The following PAPPA2 variants were observed in gnomAD, a reference collection of about 807,000 sequenced individuals.
PAPPA2 encodes pappalysin 2.
A neutral mutation model predicts 176.4 loss-of-function variants in PAPPA2; 86 were observed. That is an observed-to-expected ratio of 0.49 (90% CI 0.41 to 0.58). The LOEUF (loss-of-function observed/expected upper bound fraction) is 0.58, where lower values mean the gene tolerates loss of function less well. Among genes scored for constraint, PAPPA2 ranks in the 20% least tolerant of loss-of-function variants. The pLI is 0.00. For synonymous variants in PAPPA2, 809 were observed against 852.2 expected, an observed-to-expected ratio of 0.95 and a Z score of 0.88; for missense variants, 2,073 against 2,256.9, an observed-to-expected ratio of 0.92 and a Z score of 1.65.
chr1:176,635,972 A>G (rs886616875), intron 3 of PAPPA2, among the ~76,000 whole-genome samples: 1 of 152,186 alleles, frequency 6.6e-6, no homozygotes, highest in Non-Finnish European at 1.5e-5. Context: ...GGAAACCCAG[A>G]ACCCACAGAT....
chr1:176,623,821 C>CTTTCTTTCTTTCTTTCT (rs1341133601), intron 3 of PAPPA2, among the ~76,000 whole-genome samples: 1 of 48,112 alleles, frequency 2.1e-5, no homozygotes, highest in African/African-American at 8.2e-5. Context: ...TTTCTTTCTT[C>CTTTCTTTCTTTCTTTCT]TCTCTCTCTC....
At position 176,771,712 on chromosome 1, in the gene PAPPA2, ATTG is replaced by A. The variant is rs1381453622; in HGVS notation, c.4715+535_4715+537del. Among the ~76,000 whole-genome samples the A allele has an allele frequency of 2.6e-5, 4 of 152,316 alleles. No homozygotes were observed. The East Asian group carries it at 7.7e-4, about 29-fold the overall frequency. ...AACTCAACTCATTTTGGCTATTAATATTGTTATTATATCTTTCTCCTTTCTTCT... is the reference window on the plus strand; with the variant it reads ...AACTCAACTCATTTTGGCTATTAATATTATTATATCTTTCTCCTTTCTTCT... On this transcript the variant is annotated intron_variant, in intron 17 of 22. Transcript: ENST00000367662.
chr1:176,763,652 G>T (rs1174923325), intron 14 of PAPPA2, among the ~76,000 whole-genome samples: 1 of 152,142 alleles, frequency 6.6e-6, no homozygotes, highest in East Asian at 1.9e-4. Flanking sequence ...GGAACATTGA[G>T]CATTTAAGAG....
In PAPPA2 at chr1:176,671,017, G is replaced by T; in HGVS notation, c.2039G>T (p.Ser680Ile). The change falls in exon 4 of 23, where the codon AGT becomes ATT. Residue 680 changes from serine (S) to isoleucine (I), a missense_variant. By Grantham distance (142) the Ser-to-Ile change is moderately radical (BLOSUM62 -2). Coordinates refer to ENST00000367662, the MANE Select transcript of PAPPA2 (RefSeq NM_020318.3). ...KELKEALQLNSTHFLNIYFAS... is the reference protein window; with the variant it reads ...KELKEALQLNITHFLNIYFAS... ...CTGAAGGAGGCCCTGCAGCTGAACA[G>T]TACTCACTTCCTCAACATCTACTTT... The T allele has an allele frequency of 2.5e-6, 4 of 1,613,990 alleles. No individual in the cohort carries two copies. Among genetic ancestry groups the T allele is most frequent in the Non-Finnish European group, 3.4e-6 (4 of 1,179,906 alleles).
chr1:176,645,772 TA>T (rs1454474776), intron 3 of PAPPA2, among the ~76,000 whole-genome samples: 1 of 151,656 alleles, frequency 6.6e-6, no homozygotes, highest in Non-Finnish European at 1.5e-5. Flanking sequence ...GTCTTTTTGA[TA>T]AAGCCGTTTT....
intron 14 of PAPPA2, among the ~76,000 whole-genome samples, chr1:176,755,912 GA>G (rs943570332): frequency 3.3e-5 from 5 of 152,140 alleles, no homozygotes; most frequent in African/African-American, 1.2e-4. Context: ...GTAAGCTAGA[GA>G]AAAAATGTTA....
chr1:176,735,702 A>G (rs1390585721), intron 12 of PAPPA2, among the ~76,000 whole-genome samples: 1 of 146,602 alleles, frequency 6.8e-6, no homozygotes, highest in Non-Finnish European at 1.5e-5. Flanking sequence ...CTATCTATCT[A>G]TCTATCTATC....
chr1:176,678,971 T>C (rs1659447959), intron 4 of PAPPA2, among the ~76,000 whole-genome samples: 1 of 152,058 alleles, frequency 6.6e-6, no homozygotes, highest in South Asian at 2.1e-4. Context: ...AAGGAAAGAA[T>C]AGGTTGTATG....
In PAPPA2 at chr1:176,595,488, T is replaced by G; in HGVS notation, c.1884T>G (p.Cys628Trp). Residue 628 changes from cysteine to tryptophan, a missense_variant, in exon 3 of 23, where the codon TGT (cysteine) becomes TGG (tryptophan). Transcript: ENST00000367662. ...CCTGGAACCGCAGGGATGGGCTCTG[T>G]CACGTGGAGTGTAACAACATGCTGA... ...CYSWNRRDGL[C>W]HVECNNMLND... The G allele has an allele frequency of 6.2e-7, 1 of 1,614,210 alleles. No homozygotes were observed. Among genetic ancestry groups the G allele is most frequent in the Non-Finnish European group, 8.5e-7 (1 of 1,180,044 alleles).
intron 3 of PAPPA2, among the ~76,000 whole-genome samples, chr1:176,665,349 C>T (rs1658580788): frequency 1.3e-5 from 2 of 152,114 alleles, no homozygotes; most frequent in Non-Finnish European, 2.9e-5. Flanking sequence ...TGGTATTTAT[C>T]TTGTCTGTGG....
At chr1:176,491,478 T>C (rs1393116020) in intron 1 of PAPPA2, among the ~76,000 whole-genome samples, 2 of 152,074 alleles carry the variant, frequency 1.3e-5, no homozygotes, top group African/African-American at 4.8e-5. Context: ...GTCCGACATG[T>C]CTGGAAAATG....
chr1:176,498,958 CCTT>C (rs761055200), intron 1 of PAPPA2, among the ~76,000 whole-genome samples: 3 of 152,252 alleles, frequency 2.0e-5, no homozygotes, highest in East Asian at 1.9e-4. Flanking sequence ...TTTTCTCCCT[CCTT>C]CTTTTTTCTC....
chr1:176,732,571 A>G (rs1244736029), intron 12 of PAPPA2, among the ~76,000 whole-genome samples: 1 of 152,192 alleles, frequency 6.6e-6, no homozygotes. Flanking sequence ...AAAGATAATT[A>G]TATCTATTAA....
chr1:176,551,357 G>A (rs890025937), intron 1 of PAPPA2, among the ~76,000 whole-genome samples: 14 of 152,130 alleles, frequency 9.2e-5, no homozygotes, highest in Non-Finnish European at 2.9e-5. Context: ...TATAGATTCC[G>A]CATTTGGTTG....
At chr1:176,753,554 CTTTTTTTTTTTTTT>C (rs77817405) in intron 14 of PAPPA2, among the ~76,000 whole-genome samples, 2 of 73,498 alleles carry the variant, frequency 2.7e-5, no homozygotes, top group Non-Finnish European at 5.1e-5. Flanking sequence ...AAGGCTCCTC[CTTTTTTTTTTTTTT>C]TTTTTTTTTT....
chr1:176,742,810 C>T (rs1364916912), intron 14 of PAPPA2, among the ~76,000 whole-genome samples: 1 of 152,128 alleles, frequency 6.6e-6, no homozygotes, highest in Non-Finnish European at 1.5e-5. Context: ...TCCTGGCTAC[C>T]TCCTTCTTAC....
chr1:176,681,551 A>G (rs765713370), intron 4 of PAPPA2, among the ~76,000 whole-genome samples: 13 of 152,306 alleles, frequency 8.5e-5, no homozygotes, highest in Middle Eastern at 3.4e-3. Flanking sequence ...CCTCATATGT[A>G]AAATGGGGAT....
At chr1:176,723,495 C>A (rs1459067319) in intron 12 of PAPPA2, among the ~76,000 whole-genome samples, 1 of 150,248 alleles carries the variant, frequency 6.7e-6, no homozygotes, top group African/African-American at 2.4e-5. Flanking sequence ...TTTTTTAAAC[C>A]TTTCAGAGAA....
intron 15 of PAPPA2, among the ~76,000 whole-genome samples, chr1:176,767,409 A>G (rs976466180): frequency 6.6e-6 from 1 of 152,018 alleles, no homozygotes; most frequent in Non-Finnish European, 1.5e-5. Context: ...GCACGATCTC[A>G]GCTCACTGCA....
Sources: gnomAD v4.1 joint callset for allele counts (sites outside exome capture counted in the v4.1 genomes callset) on GRCh38, gnomAD v4.1.1 for gene constraint, MANE v1.5 for transcripts, NCBI Gene and HGNC (gene_info 2026-07-23, HGNC 2026-07-21) for gene names.